Variants in WDPCP observed in about 807,000 individuals in gnomAD.
WDPCP encodes WD repeat-containing and planar cell polarity effector protein fritz homolog.
WDPCP carries 71 observed loss-of-function variants against 93.1 expected under a neutral mutation model. The observed-to-expected ratio is 0.76, with a 90% CI of 0.63 to 0.93. The LOEUF (loss-of-function observed/expected upper bound fraction) is 0.93, where lower values mean the gene tolerates loss of function less well. Ranked by LOEUF, WDPCP falls within the 40% of genes least tolerant of loss-of-function variation. The pLI, the probability that WDPCP is intolerant of heterozygous loss-of-function variation, is 0.00. For missense variants in WDPCP, 844 were observed against 887.4 expected, an observed-to-expected ratio of 0.95 and a Z score of 0.62; for synonymous variants, 315 against 315.0, an observed-to-expected ratio of 1.00 and a Z score of 0.00.
intron 6 of WDPCP, among the ~76,000 whole-genome samples, chr2:63,460,418 G>C (rs189696539): frequency 1.3e-5 from 2 of 152,220 alleles, no homozygotes; most frequent in East Asian, 1.9e-4. Flanking sequence ...TAGCAGAATA[G>C]GATGACTATA....
chr2:63,314,119 C>T (rs1217965101), intron 12 of WDPCP, among the ~76,000 whole-genome samples: 2 of 150,750 alleles, frequency 1.3e-5, no homozygotes, highest in African/African-American at 4.9e-5. Context: ...CCTCATGATC[C>T]GCCTGCCTCA....
At chr2:63,680,918 A>C (rs1344244369) in intron 2 of WDPCP, among the ~76,000 whole-genome samples, 1 of 152,056 alleles carries the variant, frequency 6.6e-6, no homozygotes, top group African/African-American at 2.4e-5. Context: ...GCTCCTGGAC[A>C]ACATATCTAG....
intron 15 of WDPCP, among the ~76,000 whole-genome samples, chr2:63,159,405 T>C (rs186203572): frequency 6.6e-6 from 1 of 152,240 alleles, no homozygotes; most frequent in East Asian, 1.9e-4. Context: ...TCAGTAATTT[T>C]AATGATTGTT....
intron 1 of WDPCP, among the ~76,000 whole-genome samples, chr2:63,558,462 G>C (rs1383398038): frequency 1.3e-5 from 2 of 151,602 alleles, no homozygotes. Context: ...CAGGGTGTCA[G>C]AGGTTGCAGT....
At chr2:63,784,980 C>G (rs1014150098) in intron 2 of WDPCP, among the ~76,000 whole-genome samples, 2 of 152,062 alleles carry the variant, frequency 1.3e-5, no homozygotes, top group African/African-American at 4.8e-5. Context: ...TTAAATGAAA[C>G]AATATATACA....
chr2:63,463,771 G>C (rs1699177635), intron 6 of WDPCP, among the ~76,000 whole-genome samples: 1 of 152,102 alleles, frequency 6.6e-6, no homozygotes, highest in Non-Finnish European at 1.5e-5. Flanking sequence ...ACGATGCTGA[G>C]AAAACTGGAT....
intron 14 of WDPCP, among the ~76,000 whole-genome samples, chr2:63,235,524 C>T (rs1679314672): frequency 6.6e-6 from 1 of 152,084 alleles, no homozygotes; most frequent in Non-Finnish European, 1.5e-5. Context: ...TTGATACCAA[C>T]ACCTGGCAAA....
intron 14 of WDPCP, among the ~76,000 whole-genome samples, chr2:63,186,959 A>G (rs1212454160): frequency 6.6e-6 from 1 of 152,088 alleles, no homozygotes; most frequent in Non-Finnish European, 1.5e-5. Flanking sequence ...AAAGTGGGCT[A>G]TTGAAATCTC....
At chr2:63,380,451 T>G (rs986400686) in intron 11 of WDPCP, among the ~76,000 whole-genome samples, 3 of 152,100 alleles carry the variant, frequency 2.0e-5, no homozygotes, top group Admixed American at 2.0e-4. Context: ...ATACTGGAAT[T>G]TCTTGGCCAG....
At chr2:63,317,787 T>C (rs1056378300) in intron 12 of WDPCP, among the ~76,000 whole-genome samples, 3 of 152,080 alleles carry the variant, frequency 2.0e-5, no homozygotes, top group African/African-American at 7.2e-5. Flanking sequence ...CAGACTTAAA[T>C]GTAAAACCCA....
intron 13 of WDPCP, among the ~76,000 whole-genome samples, chr2:63,272,972 A>AC (rs1298048179): frequency 6.6e-6 from 1 of 152,346 alleles, no homozygotes; most frequent in Non-Finnish European, 1.5e-5. Context: ...AGAGTCAAAG[A>AC]AAGACAGAAT....
chr2:63,325,583 G>A lies in WDPCP; in HGVS notation c.1749-12272C>T, dbSNP rs540970910. Among the ~76,000 whole-genome samples the A allele has an allele frequency of 4.5e-4, 69 of 152,226 alleles. 1 individual carries two copies. The highest frequency in any genetic ancestry group is 1.5e-3 in the African/African-American group (64 of 41,544). ...ATGACTGTCCTCAAGGTCCGTTACC[G>A]TCCGAGAAATCCTGGGACAGCCTGT... On this transcript the variant is annotated intron_variant, in intron 12 of 17. Transcript: ENST00000272321.
chr2:63,451,488 G>T (rs1262257459), intron 6 of WDPCP, among the ~76,000 whole-genome samples: 3 of 152,156 alleles, frequency 2.0e-5, no homozygotes, highest in Non-Finnish European at 4.4e-5. Context: ...GGACCAGACG[G>T]ATTCACAGCT....
intron 3 of WDPCP, chr2:63,643,494 C>T: frequency 2.7e-6 from 1 of 371,022 alleles, no homozygotes; most frequent in South Asian, 2.3e-5. Flanking sequence ...TAGCACCCCT[C>T]AGTCACCATA....
intron 2 of WDPCP, among the ~76,000 whole-genome samples, chr2:63,788,434 T>G (rs1670500101): frequency 6.6e-6 from 1 of 152,198 alleles, no homozygotes; most frequent in African/African-American, 2.4e-5. Flanking sequence ...GGTTCAGTAC[T>G]TACAGACTTA....
At chr2:63,800,408 T>C (rs1200405283) in intron 2 of WDPCP, among the ~76,000 whole-genome samples, 1 of 152,220 alleles carries the variant, frequency 6.6e-6, no homozygotes, top group East Asian at 1.9e-4. Flanking sequence ...GATTGTAAAT[T>C]ATTTAAAGAC....
In WDPCP at chr2:63,384,246, A is replaced by G. The variant is rs531946454; in HGVS notation, c.1436-2152T>C. 7.9e-5 allele frequency among the ~76,000 whole-genome samples: 12 copies of G among 152,318 alleles called. No individual in the cohort carries two copies. In the East Asian group the frequency reaches 2.3e-3, roughly 29 times the overall value. On this transcript the variant is annotated intron_variant, in intron 10 of 17. Transcript: ENST00000272321. ...CAGCTTGTTCTTTGAGAAGATCAGT[A>G]AAATTGACAAACTTCTGTCTCAGCT...
chr2:63,353,479 C>A (rs796912329), intron 12 of WDPCP, among the ~76,000 whole-genome samples: 2 of 152,200 alleles, frequency 1.3e-5, no homozygotes, highest in African/African-American at 2.4e-5. Flanking sequence ...CCTGAGAAGG[C>A]GCTCCTGGTG....
intron 13 of WDPCP, among the ~76,000 whole-genome samples, chr2:63,261,963 A>G (rs949654895): frequency 6.6e-6 from 1 of 152,238 alleles, no homozygotes; most frequent in Admixed American, 6.5e-5. Context: ...TGTACAATCA[A>G]AATAATCATG....
Sources: gnomAD v4.1 joint callset for allele counts (sites outside exome capture counted in the v4.1 genomes callset) on GRCh38, gnomAD v4.1.1 for gene constraint, MANE v1.5 for transcripts, NCBI Gene and HGNC (gene_info 2026-07-23, HGNC 2026-07-21) for gene names.